The following MORN1 variants were observed in gnomAD, a reference collection of about 807,000 sequenced individuals.
MORN1 encodes the protein MORN repeat containing 1.
A neutral mutation model predicts 61.9 loss-of-function variants in MORN1; 67 were observed. The observed-to-expected ratio is 1.08, with a 90% confidence interval of 0.89 to 1.33. The LOEUF (loss-of-function observed/expected upper bound fraction) is 1.33, where lower values mean the gene tolerates loss of function less well. MORN1 is among the 40% of genes most tolerant of loss of function. The pLI, the probability that MORN1 is intolerant of heterozygous loss-of-function variation, is 0.00. For missense variants in MORN1, 752 were observed against 691.2 expected (o/e 1.09, Z -0.99); for synonymous variants, 301 against 292.0 (o/e 1.03, Z -0.31).
intron 12 of MORN1, 86 bp from the exon 13 acceptor site, chr1:2,324,229 C>T: frequency 7.1e-7 from 1 of 1,407,084 alleles, no homozygotes; most frequent in Middle Eastern, 1.9e-4. Context: ...GGGCTAGTGG[C>T]TCCAGGGCAG....
intron 12 of MORN1, among the ~76,000 whole-genome samples, chr1:2,327,579 C>G (rs1641063523): frequency 6.6e-6 from 1 of 152,228 alleles, no homozygotes; most frequent in African/African-American, 2.4e-5. Context: ...GGGCGGTGTC[C>G]AGGCTGCAGA....
In MORN1 at chr1:2,374,625, C is replaced by G. The variant is rs1408558653; in HGVS notation, c.538-68G>C. On this transcript the variant is annotated intron_variant, in intron 6 of 13. Transcript: ENST00000378531. ...GGCTTTTGTGGGTCCCCGCATGGCA[C>G]TGCAGCTTCCTGGTGCTACAGCAGG... 3 of 1,352,072 alleles carry G rather than the reference C, an allele frequency of 2.2e-6. No individual in the cohort carries two copies. The African/African-American group carries it at 4.3e-5, about 20-fold the overall frequency. 83.8% of individuals were successfully genotyped at this position (1,352,072 alleles called of 1,614,324 possible).
At chr1:2,322,362 G>C in intron 13 of MORN1, 11 of 985,424 alleles carry the variant, frequency 1.1e-5, no homozygotes, top group Non-Finnish European at 1.3e-5. Context: ...CAGCTGAAAT[G>C]GGGGCAGGAG....
At chr1:2,376,667 C>T (rs1487535091) in intron 6 of MORN1, 1 of 152,138 alleles carries the variant, frequency 6.6e-6, no homozygotes, top group Non-Finnish European at 1.5e-5. Context: ...TGCCTGGCAT[C>T]CCCCTCCCTG....
At position 2,324,106 on chromosome 1, in the gene MORN1, C is replaced by T. The variant is rs921198150; in HGVS notation, c.1288G>A (p.Ala430Thr). The part of the protein sequence containing the change: ...GRATEEQAAA[A>T]HLGEYVLMIR... Reference sequence around the variant, plus strand: ...GGCCCTGTCCACCTACCTAGGTGTGCTGCCGCAGCCTGCTCCTCCGTGGCT... The same window carrying T: ...GGCCCTGTCCACCTACCTAGGTGTGTTGCCGCAGCCTGCTCCTCCGTGGCT... Residue 430 changes from alanine (A) to threonine (T), a missense_variant, in exon 13 of 14, where the codon GCA becomes ACA. Physicochemically the swap from Ala to Thr is moderately conservative, Grantham distance 58. Coordinates refer to ENST00000378531, the MANE Select transcript of MORN1 (RefSeq NM_024848.3). The T allele has an allele frequency of 2.5e-6, 4 of 1,599,546 alleles. No individual in the cohort carries two copies. In the East Asian group the frequency reaches 9.0e-5, roughly 36 times the overall value.
intron 2 of MORN1, 54 bp downstream of exon 2, chr1:2,389,871 G>C: frequency 6.5e-7 from 1 of 1,550,174 alleles, no homozygotes; most frequent in Admixed American, 1.7e-5. Context: ...GGAGAAACTG[G>C]TTTCGTCAGC....
At chr1:2,342,886 A>ATTTTAT (rs1641432494) in intron 10 of MORN1, among the ~76,000 whole-genome samples, 1 of 117,388 alleles carries the variant, frequency 8.5e-6, no homozygotes, top group Non-Finnish European at 1.8e-5. Flanking sequence ...ATTTTATTTT[A>ATTTTAT]TTTTATTTTA....
At chr1:2,378,792 G>C (rs1231106429) in intron 6 of MORN1, 1 of 385,648 alleles carries the variant, frequency 2.6e-6, no homozygotes, top group South Asian at 1.9e-5. Context: ...CTGGGAGGTC[G>C]AGCAGTAAGC....
intron 7 of MORN1, among the ~76,000 whole-genome samples, chr1:2,374,197 G>T (rs1029808938): frequency 2.6e-5 from 4 of 152,244 alleles, no homozygotes; most frequent in Non-Finnish European, 5.9e-5. Context: ...TTGGACAGAG[G>T]CCACTTGGGG....
In MORN1 at chr1:2,379,112, C is replaced by T. The variant is rs189521987; in HGVS notation, c.538-4555G>A. ...ACACGGTTTGCAGAAAACACACCTG[C>T]TGTCGAGAGGGAGAACAGGTCTCCC... On this transcript the variant is annotated intron_variant, in intron 6 of 13. Coordinates refer to ENST00000378531, the MANE Select transcript of MORN1 (RefSeq NM_024848.3). The T allele has an allele frequency of 1.7e-3, 778 of 471,196 alleles. 8 individuals are homozygous for T. Among genetic ancestry groups the T allele is most frequent in the African/African-American group, 0.013 (668 of 50,208 alleles). 29.2% of individuals were successfully genotyped at this position (471,196 alleles called of 1,614,324 possible).
At chr1:2,326,006 C>T (rs1320403986) in intron 12 of MORN1, among the ~76,000 whole-genome samples, 5 of 152,110 alleles carry the variant, frequency 3.3e-5, no homozygotes, top group African/African-American at 9.7e-5. Context: ...CCTGGGGAGG[C>T]CTGCTGGGCT....
rs1642146458 is a variant in MORN1, at chr1:2,372,615, T to G, written c.635-24A>C. The G allele has an allele frequency of 1.3e-6, 2 of 1,591,646 alleles. No individual in the cohort carries two copies. The highest frequency in any genetic ancestry group is 1.7e-6 in the Non-Finnish European group (2 of 1,164,228). ...TTCTGGGAGAGGACAGAGTGTGGCT[T>G]TAGCGGTGACTGGCATGGTCCCCCA... is the stretch of plus-strand genomic sequence containing the variant. On this transcript the variant is annotated intron_variant, in intron 7 of 13. Transcript: ENST00000378531. The surrounding 1 kb of genome is among the most constrained non-coding windows in gnomAD (Gnocchi z 5.4).
rs951310876 is a variant in MORN1, at chr1:2,385,458, C to T, written c.449+349G>A. 3 of 375,386 alleles carry T rather than the reference C, an allele frequency of 8.0e-6. No individual in the cohort carries two copies. In the Admixed American group the frequency reaches 1.3e-4, roughly 16 times the overall value. 23.3% of individuals were successfully genotyped at this position (375,386 alleles called of 1,614,324 possible). A position where few individuals can be genotyped will look rare whatever the true frequency, so the allele number is the denominator to read the frequency against. On this transcript the variant is annotated intron_variant, in intron 5 of 13. Coordinates refer to ENST00000378531, the MANE Select transcript of MORN1 (RefSeq NM_024848.3). ...AGGCGGAGGCGGGAGGCTCTGCTGG[C>T]CGGAGAGCACCCCCATCCTCATTTA...
chr1:2,368,075 A>C (rs1570006979), intron 8 of MORN1, among the ~76,000 whole-genome samples: 1 of 152,272 alleles, frequency 6.6e-6, no homozygotes, highest in South Asian at 2.1e-4. Context: ...TTTGTGTTTC[A>C]AAGGACACCA....
At position 2,385,856 on chromosome 1, in the gene MORN1, C is replaced by T; in HGVS notation, c.400G>A (p.Gly134Ser). ...LVDRDGQVYQGSFHDNKRHGP... is the reference protein window; with the variant it reads ...LVDRDGQVYQSSFHDNKRHGP... ...TGCCTCTTGTTGTCATGGAAGGAGC[C>T]CTGGTACACTTGTCCATCCCGGTCC... is the stretch of plus-strand genomic sequence containing the variant. Residue 134 changes from glycine to serine, a missense_variant, in exon 5 of 14, where the codon GGC becomes AGC. Transcript: ENST00000378531. The T allele has an allele frequency of 6.2e-7, 1 of 1,613,936 alleles. No homozygotes were observed. The highest frequency in any genetic ancestry group is 8.5e-7 in the Non-Finnish European group (1 of 1,180,020).
chr1:2,354,335 C>T lies in MORN1; in HGVS notation c.1036+3097G>A, dbSNP rs543819329. Among the ~76,000 whole-genome samples the T allele has an allele frequency of 3.9e-5, 6 of 152,078 alleles. No individual in the cohort carries two copies. The South Asian group carries it at 6.2e-4, about 16-fold the overall frequency. ...ATCCCAGCACGTTGGGAGGCTGAGG[C>T]GGGAGGACTGCTTGAACTCAGGAGT... On this transcript the variant is annotated intron_variant, in intron 10 of 13. Coordinates refer to ENST00000378531, the MANE Select transcript of MORN1 (RefSeq NM_024848.3).
chr1:2,368,904 A>G (rs1335757453), intron 8 of MORN1, among the ~76,000 whole-genome samples: 1 of 151,836 alleles, frequency 6.6e-6, no homozygotes, highest in Non-Finnish European at 1.5e-5. Context: ...TAAAAATACA[A>G]AAATTAGCTG....
intron 10 of MORN1, among the ~76,000 whole-genome samples, chr1:2,340,111 T>C (rs766488003): frequency 6.6e-6 from 1 of 152,174 alleles, no homozygotes; most frequent in Non-Finnish European, 1.5e-5. Flanking sequence ...ATGGCCACTG[T>C]CCCCACAGGC....
chr1:2,374,729 T>A (rs1642197319), intron 6 of MORN1, 172 bp from the exon 7 acceptor site: 1 of 577,662 alleles, frequency 1.7e-6, no homozygotes, highest in Non-Finnish European at 3.1e-6. Flanking sequence ...TGAGAAACTG[T>A]TTCATTAGAA....
Sources: gnomAD v4.1 joint callset for allele counts (sites outside exome capture counted in the v4.1 genomes callset) on GRCh38, gnomAD v4.1.1 for gene constraint, Gnocchi (gnomAD v3.1) non-coding constraint, MANE v1.5 for transcripts, NCBI Gene and HGNC (gene_info 2026-07-23, HGNC 2026-07-21) for gene names.